The following WDFY4 variants were observed in gnomAD, a reference collection of about 807,000 sequenced individuals.
The protein encoded by WDFY4 is WD repeat- and FYVE domain-containing protein 4.
A neutral mutation model predicts 351.9 loss-of-function variants in WDFY4; 169 were observed. The ratio of observed to expected loss-of-function variants is 0.48; its 90% CI spans 0.42 to 0.55. The LOEUF is 0.55. WDFY4 is among the 20% of genes least tolerant of loss of function. The pLI is 0.00. For missense variants in WDFY4, 3,803 were observed against 3,935.6 expected (o/e 0.97, Z 0.90); for synonymous variants, 1,622 against 1,574.6 (o/e 1.03, Z -0.71).
intron 26 of WDFY4, 123 bp from the exon 27 acceptor site, chr10:48,805,881 G>A: frequency 2.5e-6 from 2 of 793,028 alleles, no homozygotes; most frequent in Non-Finnish European, 2.2e-6. Context: ...ATGCCATGAT[G>A]ATTTCCCTTA....
intron 40 of WDFY4, among the ~76,000 whole-genome samples, chr10:48,873,148 C>T (rs1344001078): frequency 1.3e-5 from 2 of 152,224 alleles, no homozygotes; most frequent in African/African-American, 2.4e-5. Context: ...AGATTCATGT[C>T]CATTTGGTAA....
intron 39 of WDFY4, among the ~76,000 whole-genome samples, chr10:48,861,551 A>C (rs1308468292): frequency 1.3e-5 from 2 of 152,224 alleles, no homozygotes; most frequent in African/African-American, 4.8e-5. Flanking sequence ...TTCTGATGAA[A>C]AAAATCACTG....
In WDFY4 at chr10:48,743,165, G is replaced by A. The variant is rs1395382849; in HGVS notation, c.2076G>A (p.Leu692=). Reference sequence around the variant, plus strand: ...CTCTCTGTGCTGTGTCCGCAGCGCTGCACTGGGACCCTGTCAATGGCTACT... The same window carrying A: ...CTCTCTGTGCTGTGTCCGCAGCGCTACACTGGGACCCTGTCAATGGCTACT... The part of the protein sequence containing the change: ...LYTLCAVSAA[L]HWDPVNGYFF... The change falls in exon 12 of 62, where the codon CTG becomes CTA. Residue 692 remains leucine, a synonymous_variant. Transcript: ENST00000325239. The A allele has an allele frequency of 1.3e-6, 2 of 1,551,602 alleles. No individual in the cohort carries two copies. Among genetic ancestry groups the A allele is most frequent in the Non-Finnish European group, 1.7e-6 (2 of 1,147,004 alleles).
chr10:48,778,142 A>G (rs1444948474), intron 17 of WDFY4, among the ~76,000 whole-genome samples: 1 of 152,190 alleles, frequency 6.6e-6, no homozygotes, highest in African/African-American at 2.4e-5. Flanking sequence ...TGGGGTTTCT[A>G]TGGGATCATG....
chr10:48,917,463 G>T (rs73296608), intron 47 of WDFY4, among the ~76,000 whole-genome samples: 1,973 of 152,222 alleles, frequency 0.013, 36 homozygotes, highest in African/African-American at 0.044. Context: ...TAATCAAACT[G>T]CTCCAAATTA....
rs565240448 is a variant in WDFY4, at chr10:48,816,935, A to G, written c.5341-310A>G. Among the ~76,000 whole-genome samples the G allele has an allele frequency of 1.3e-3, 198 of 152,366 alleles. 1 individual carries two copies. The South Asian group carries it at 0.014, about 11-fold the overall frequency. On this transcript the variant is annotated intron_variant, in intron 31 of 61. Transcript: ENST00000325239. Reference sequence around the variant, plus strand: ...GAAAGCATCATCTACCCAATACAGTAGACAAGTATCAAAAATAAAAGGCAG... The same window carrying G: ...GAAAGCATCATCTACCCAATACAGTGGACAAGTATCAAAAATAAAAGGCAG...
intron 39 of WDFY4, among the ~76,000 whole-genome samples, chr10:48,852,500 A>G (rs1300204135): frequency 6.6e-6 from 1 of 152,208 alleles, no homozygotes; most frequent in African/African-American, 2.4e-5. Flanking sequence ...TGGGTTATCA[A>G]TACTCTTAGA....
At chr10:48,775,833 G>A (rs1457427593) in intron 15 of WDFY4, 27 bp downstream of exon 15, 3 of 1,536,024 alleles carry the variant, frequency 2.0e-6, no homozygotes, top group Non-Finnish European at 2.6e-6. Flanking sequence ...GAACGGGGCA[G>A]GTTAATGGGA....
intron 47 of WDFY4, among the ~76,000 whole-genome samples, chr10:48,926,958 G>A (rs907338765): frequency 1.1e-4 from 17 of 152,214 alleles, no homozygotes; most frequent in African/African-American, 3.9e-4. Context: ...AGTCAAGAGT[G>A]TGAAGACACA....
chr10:48,977,131 C>T (rs1842603696), intron 59 of WDFY4, 152 bp downstream of exon 59: 3 of 642,630 alleles, frequency 4.7e-6, no homozygotes, highest in Non-Finnish European at 6.9e-6. Flanking sequence ...AGACAAGGCT[C>T]TTTGCAGGGA....
At chr10:48,693,387 G>A (rs2063247318) in intron 1 of WDFY4, among the ~76,000 whole-genome samples, 1 of 152,182 alleles carries the variant, frequency 6.6e-6, no homozygotes, top group Non-Finnish European at 1.5e-5. Context: ...TACAGGGCAG[G>A]CCCAGAGGAC....
At chr10:48,808,966 A>G (rs1214355703) in intron 28 of WDFY4, among the ~76,000 whole-genome samples, 1 of 152,234 alleles carries the variant, frequency 6.6e-6, no homozygotes, top group African/African-American at 2.4e-5. Context: ...TGTTTTTTTC[A>G]TTACTTTTAA....
chr10:48,731,467 G>C lies in WDFY4; in HGVS notation c.1487G>C (p.Gly496Ala). ...CAGAGCATCCTCAGCATCGCTGGTGGGGACCCCCTCTTCACCGACATCTTC... is the reference window on the plus strand; with the variant it reads ...CAGAGCATCCTCAGCATCGCTGGTGCGGACCCCCTCTTCACCGACATCTTC... Reference protein sequence around the residue: ...ALQSILSIAGGDPLFTDIFRD... With the variant: ...ALQSILSIAGADPLFTDIFRD... The change falls in exon 9 of 62, where the codon GGG becomes GCG. Residue 496 changes from glycine to alanine, a missense_variant. Gly to Ala is a moderately conservative substitution (Grantham distance 60, BLOSUM62 0). This residue lies in a region of WDFY4 where 261 missense variants were observed against 330.2 expected (regional missense o/e 0.79). Coordinates refer to ENST00000325239, the MANE Select transcript of WDFY4 (RefSeq NM_001394531.1). 9 of 1,551,642 alleles carry C rather than the reference G, an allele frequency of 5.8e-6. No individual in the cohort carries two copies. The highest frequency in any genetic ancestry group is 7.8e-6 in the Non-Finnish European group (9 of 1,146,992).
chr10:48,804,744 T>C, intron 25 of WDFY4: 1 of 984,322 alleles, frequency 1.0e-6, no homozygotes, highest in South Asian at 4.7e-5. Context: ...GAGTAGAATT[T>C]ACTGGAAATT....
chr10:48,903,758 T>TG (rs760835400), intron 47 of WDFY4, among the ~76,000 whole-genome samples: 1 of 151,964 alleles, frequency 6.6e-6, no homozygotes, highest in Non-Finnish European at 1.5e-5. Flanking sequence ...ATGGAGCTAT[T>TG]GGGCATATGA....
chr10:48,892,809 A>G (rs1226591687), intron 44 of WDFY4, among the ~76,000 whole-genome samples: 2 of 152,262 alleles, frequency 1.3e-5, no homozygotes, highest in Admixed American at 6.5e-5. Flanking sequence ...AGAACATTAC[A>G]GACTCCTTGA....
chr10:48,946,761 A>G, intron 50 of WDFY4, 99 bp from the exon 51 acceptor site: 2 of 857,110 alleles, frequency 2.3e-6, no homozygotes. Flanking sequence ...CAATGAATAT[A>G]TGTTTTTAAT....
At chr10:48,831,894 C>T (rs919657508) in intron 38 of WDFY4, among the ~76,000 whole-genome samples, 9 of 152,178 alleles carry the variant, frequency 5.9e-5, no homozygotes, top group African/African-American at 2.2e-4. Flanking sequence ...TTATAAGACA[C>T]TAATTCATTC....
intron 39 of WDFY4, among the ~76,000 whole-genome samples, chr10:48,838,052 T>C (rs2068464474): frequency 1.3e-5 from 2 of 152,170 alleles, no homozygotes; most frequent in Admixed American, 1.3e-4. Context: ...CAAAGCCAGG[T>C]ATTAGCAAAC....
Sources: gnomAD v4.1 joint callset for allele counts (sites outside exome capture counted in the v4.1 genomes callset) on GRCh38, gnomAD v4.1.1 for gene constraint, gnomAD v4.1.1 regional missense constraint, MANE v1.5 for transcripts, NCBI Gene and HGNC (gene_info 2026-07-23, HGNC 2026-07-21) for gene names.